Variants in CSMD1 observed in about 807,000 individuals in gnomAD.
CSMD1 encodes the protein CUB and sushi domain-containing protein 1.
In CSMD1, 213 loss-of-function variants were observed where a neutral mutation model predicts 417.5. That is an observed-to-expected ratio of 0.51 (90% CI 0.46 to 0.57). The LOEUF is 0.57. CSMD1 is among the 20% of genes least tolerant of loss of function. The pLI is 0.00. For missense variants in CSMD1, 6,923 were observed against 4,529.7 expected (o/e 1.53, Z -15.17); for synonymous variants, 2,862 against 1,736.8 (o/e 1.65, Z -16.11).
chr8:3,523,000 C>CATAT (rs563324092), intron 10 of CSMD1, among the ~76,000 whole-genome samples: 1 of 126,334 alleles, frequency 7.9e-6, no homozygotes, highest in Non-Finnish European at 1.7e-5. Flanking sequence ...AATGGAGATA[C>CATAT]ATATATACAC....
chr8:4,030,331 T>G (rs1484262061), intron 4 of CSMD1, among the ~76,000 whole-genome samples: 1 of 152,170 alleles, frequency 6.6e-6, no homozygotes, highest in African/African-American at 2.4e-5. Flanking sequence ...ATCTAGGAAT[T>G]TCTATACTTC....
intron 12 of CSMD1, among the ~76,000 whole-genome samples, chr8:3,417,300 G>C (rs774292070): frequency 2.6e-4 from 39 of 152,170 alleles, no homozygotes; most frequent in Non-Finnish European, 1.0e-4. Context: ...ACACTCTGCT[G>C]TAGCTGTTCA....
intron 2 of CSMD1, among the ~76,000 whole-genome samples, chr8:4,636,001 T>G (rs1159157517): frequency 6.6e-6 from 1 of 152,000 alleles, no homozygotes; most frequent in Non-Finnish European, 1.5e-5. Flanking sequence ...AAAATATATT[T>G]GAAAATATAT....
intron 10 of CSMD1, among the ~76,000 whole-genome samples, chr8:3,544,685 G>C (rs1359841344): frequency 6.6e-6 from 1 of 152,160 alleles, no homozygotes; most frequent in Admixed American, 6.5e-5. Context: ...GAGCTATTCA[G>C]TGGGCAGGAG....
intron 1 of CSMD1, among the ~76,000 whole-genome samples, chr8:4,644,523 C>A (rs923991840): frequency 2.6e-5 from 4 of 152,186 alleles, no homozygotes; most frequent in Non-Finnish European, 5.9e-5. Flanking sequence ...CCTCCCGCCT[C>A]AACCTCCAGA....
intron 2 of CSMD1, among the ~76,000 whole-genome samples, chr8:4,552,392 T>A (rs1223573222): frequency 6.6e-6 from 1 of 152,124 alleles, no homozygotes; most frequent in Non-Finnish European, 1.5e-5. Context: ...AAATCCCGAA[T>A]CCTGTCTCAA....
At chr8:3,650,022 G>T (rs113346490) in intron 7 of CSMD1, among the ~76,000 whole-genome samples, 2 of 152,238 alleles carry the variant, frequency 1.3e-5, no homozygotes, top group Non-Finnish European at 2.9e-5. Context: ...CTCATGCCTG[G>T]AATCCCAGCA....
chr8:3,301,332 G>T (rs534271412), intron 25 of CSMD1, among the ~76,000 whole-genome samples: 2 of 152,190 alleles, frequency 1.3e-5, no homozygotes, highest in South Asian at 2.1e-4. Flanking sequence ...GAGAGTTTGG[G>T]AGGCTTCAGA....
intron 5 of CSMD1, among the ~76,000 whole-genome samples, chr8:3,987,783 C>A (rs138701895): frequency 1.3e-5 from 2 of 152,280 alleles, no homozygotes; most frequent in Non-Finnish European, 2.9e-5. Context: ...GCAGGCTCTG[C>A]GCCACGTCAA....
chr8:4,309,270 T>G (rs532626033), intron 3 of CSMD1, among the ~76,000 whole-genome samples: 19 of 152,240 alleles, frequency 1.2e-4, no homozygotes, highest in Non-Finnish European at 2.6e-4. Context: ...AACTAATTAT[T>G]CAGCTTCTTC....
At chr8:3,279,130 T>G (rs1313635448) in intron 26 of CSMD1, 1 of 152,122 alleles carries the variant, frequency 6.6e-6, no homozygotes, top group Non-Finnish European at 1.5e-5. Flanking sequence ...TTTGGGGTGG[T>G]CAGACCAGCG....
intron 7 of CSMD1, among the ~76,000 whole-genome samples, chr8:3,620,994 A>C (rs3110303): frequency 7.9e-5 from 12 of 152,000 alleles, no homozygotes; most frequent in African/African-American, 2.9e-4. Context: ...CCTTAAGGTG[A>C]GCCCTAATCC....
chr8:4,263,319 G>A (rs1289239957), intron 3 of CSMD1, among the ~76,000 whole-genome samples: 3 of 152,082 alleles, frequency 2.0e-5, no homozygotes, highest in Non-Finnish European at 2.9e-5. Flanking sequence ...ACCAAAAGGG[G>A]CCTCTGTGAC....
intron 3 of CSMD1, among the ~76,000 whole-genome samples, chr8:4,255,777 G>T (rs1221595299): frequency 6.6e-6 from 1 of 152,160 alleles, no homozygotes; most frequent in Non-Finnish European, 1.5e-5. Context: ...TATGTTTAAA[G>T]AAAACCCCAG....
chr8:4,401,633 G>C (rs190714185), intron 3 of CSMD1, among the ~76,000 whole-genome samples: 152 of 152,196 alleles, frequency 1.0e-3, no homozygotes, highest in Non-Finnish European at 1.7e-3. Flanking sequence ...CCCGGATTCT[G>C]TGTCGTACCC....
intron 12 of CSMD1, among the ~76,000 whole-genome samples, chr8:3,456,981 A>G (rs191797429): frequency 2.0e-5 from 3 of 150,706 alleles, no homozygotes; most frequent in Non-Finnish European, 4.4e-5. Flanking sequence ...TCCTCATCCC[A>G]TAGCCCCTCA....
intron 3 of CSMD1, among the ~76,000 whole-genome samples, chr8:4,156,215 T>C (rs1796825935): frequency 6.6e-6 from 1 of 152,202 alleles, no homozygotes; most frequent in African/African-American, 2.4e-5. Flanking sequence ...ATCACTGTGA[T>C]ATCCTTGGGG....
Position 3,187,904 on chromosome 8 carries a change from C to G in CSMD1, c.5585G>C (p.Gly1862Ala). ...NWDSLEIHDGGDVTAPRLGSF... is the reference protein window; with the variant it reads ...NWDSLEIHDGADVTAPRLGSF... ...TCCCAGTCTGGGTGCGGTCACATCC[C>G]CACCATCGTGGATCTCAAGGGAGTC... The change falls in exon 36 of 70, where the codon GGG becomes GCG. Residue 1862 changes from glycine (G) to alanine (A), a missense_variant. Coordinates refer to ENST00000635120, the MANE Select transcript of CSMD1 (RefSeq NM_033225.6). The G allele has an allele frequency of 6.2e-7, 1 of 1,612,990 alleles. No homozygotes were observed. Among genetic ancestry groups the G allele is most frequent in the South Asian group, 1.1e-5 (1 of 90,896 alleles).
intron 5 of CSMD1, among the ~76,000 whole-genome samples, chr8:3,838,800 T>G (rs1305582708): frequency 7.2e-5 from 8 of 110,520 alleles, no homozygotes; most frequent in Non-Finnish European, 1.3e-4. Flanking sequence ...TATAGTATAA[T>G]ATATAATAAT....
Sources: allele counts gnomAD v4.1 joint callset (sites outside exome capture counted in the v4.1 genomes callset), GRCh38; gene constraint gnomAD v4.1.1; transcripts MANE v1.5; gene names NCBI Gene and HGNC (gene_info 2026-07-23, HGNC 2026-07-21).